Variants in TMEM132C observed in about 807,000 individuals in gnomAD.
TMEM132C encodes protein phosphatase 1, regulatory subunit 152.
Under a neutral mutation model 61.4 loss-of-function variants are expected in TMEM132C, and 29 were observed. The observed-to-expected ratio is 0.47, with a 90% confidence interval of 0.35 to 0.64. The LOEUF (loss-of-function observed/expected upper bound fraction) is 0.64, where lower values mean the gene tolerates loss of function less well. TMEM132C is among the 30% of genes least tolerant of loss of function. The pLI, the probability that TMEM132C is intolerant of heterozygous loss-of-function variation, is 0.00. For synonymous variants in TMEM132C, 656 were observed against 633.1 expected (o/e 1.04, Z -0.54); for missense variants, 1,408 against 1,476.9 (o/e 0.95, Z 0.76).
chr12:128,555,107 T>C (rs1786390546), intron 3 of TMEM132C, among the ~76,000 whole-genome samples: 1 of 152,068 alleles, frequency 6.6e-6, no homozygotes, highest in African/African-American at 2.4e-5. Context: ...GGGAGAAAAG[T>C]AAATCAGGCA....
At chr12:128,556,333 G>A (rs1874329289) in intron 3 of TMEM132C, among the ~76,000 whole-genome samples, 2 of 152,188 alleles carry the variant, frequency 1.3e-5, no homozygotes, top group Admixed American at 1.3e-4. Flanking sequence ...CTATAGAGGA[G>A]GAATAGATGC....
chr12:128,690,868 T>C lies in TMEM132C; in HGVS notation c.1450-2961T>C, dbSNP rs932268020. Among the ~76,000 whole-genome samples the C allele has an allele frequency of 1.2e-4, 18 of 152,268 alleles. No individual in the cohort carries two copies. The East Asian group carries it at 3.3e-3, about 28-fold the overall frequency. ...GGAGCAAATTCTCTCAGCCCAGCCC[T>C]CACCAGCTGCCTCTCCAAACAGAAG... is the stretch of plus-strand genomic sequence containing the variant. On this transcript the variant is annotated intron_variant, in intron 5 of 8. Transcript: ENST00000435159.
chr12:128,482,585 A>C (rs1263436854), intron 2 of TMEM132C, among the ~76,000 whole-genome samples: 1 of 152,070 alleles, frequency 6.6e-6, no homozygotes, highest in African/African-American at 2.4e-5. Context: ...GTAGAATTCG[A>C]CTGTGAATTC....
At chr12:128,532,640 CAAAAAAAAAAAAAAAA>C (rs61283555) in intron 2 of TMEM132C, among the ~76,000 whole-genome samples, 2 of 67,172 alleles carry the variant, frequency 3.0e-5, no homozygotes, top group African/African-American at 1.5e-4. Flanking sequence ...GACTCCATCT[CAAAAAAAAAAAAAAAA>C]AAAAAAAAAA....
intron 3 of TMEM132C, among the ~76,000 whole-genome samples, chr12:128,561,082 C>G (rs1315772530): frequency 6.6e-6 from 1 of 152,218 alleles, no homozygotes; most frequent in African/African-American, 2.4e-5. Context: ...CTTTCCTTCC[C>G]CCAGACCTCC....
At chr12:128,625,889 G>A (rs1954010848) in intron 4 of TMEM132C, among the ~76,000 whole-genome samples, 1 of 152,116 alleles carries the variant, frequency 6.6e-6, no homozygotes, top group African/African-American at 2.4e-5. Flanking sequence ...GAATTTGGGG[G>A]ACACAACCAT....
At position 128,695,944 on chromosome 12, in the gene TMEM132C, C is replaced by G. The variant is rs762382247; in HGVS notation, c.1770C>G (p.Ala590=). ...RVLTQFVSEG[A]GPWGQPNYLL... ...TCACCCAGTTTGTGTCTGAGGGCGC[C>G]GGTCCATGGGGCCAGCCGAACTACC... Residue 590 remains alanine, a synonymous_variant, in exon 7 of 9, where the codon GCC becomes GCG. Coordinates refer to ENST00000435159, the MANE Select transcript of TMEM132C (RefSeq NM_001136103.3). The G allele has an allele frequency of 6.4e-7, 1 of 1,551,656 alleles. No individual in the cohort carries two copies. The highest frequency in any genetic ancestry group is 2.0e-5 in the Admixed American group (1 of 50,994).
intron 4 of TMEM132C, among the ~76,000 whole-genome samples, chr12:128,629,029 T>C (rs1341246413): frequency 6.6e-6 from 1 of 152,124 alleles, no homozygotes; most frequent in Non-Finnish European, 1.5e-5. Context: ...AGAAAATATT[T>C]TGGAGGAAAA....
intron 3 of TMEM132C, among the ~76,000 whole-genome samples, chr12:128,589,338 A>C (rs919261024): frequency 1.3e-5 from 2 of 152,088 alleles, no homozygotes; most frequent in East Asian, 3.9e-4. Flanking sequence ...ACTTTTCTGC[A>C]GCCTGCATCC....
intron 2 of TMEM132C, among the ~76,000 whole-genome samples, chr12:128,451,260 G>A (rs2136057758): frequency 6.6e-6 from 1 of 152,214 alleles, no homozygotes; most frequent in Non-Finnish European, 1.5e-5. Context: ...ACCAGAGGAA[G>A]ACAAGATAAA....
At chr12:128,417,779 A>G (rs1392921428) in intron 2 of TMEM132C, among the ~76,000 whole-genome samples, 1 of 152,220 alleles carries the variant, frequency 6.6e-6, no homozygotes, top group Non-Finnish European at 1.5e-5. Context: ...AACCTTCAAT[A>G]AGCATTGAAT....
intron 2 of TMEM132C, among the ~76,000 whole-genome samples, chr12:128,462,597 A>C (rs145749777): frequency 9.2e-4 from 140 of 152,260 alleles, no homozygotes; most frequent in African/African-American, 3.2e-3. Context: ...CATTCTTCGG[A>C]GCTCTTCCTC....
chr12:128,576,263 G>A (rs974207081), intron 3 of TMEM132C, among the ~76,000 whole-genome samples: 57 of 151,430 alleles, frequency 3.8e-4, no homozygotes, highest in Non-Finnish European at 7.2e-4. Flanking sequence ...AGATTAGAAG[G>A]GGAGGGGAGG....
intron 2 of TMEM132C, among the ~76,000 whole-genome samples, chr12:128,521,317 ATATG>A (rs35709475): frequency 0.65 from 95,336 of 145,796 alleles, 31,508 homozygotes; most frequent in East Asian, 0.83. Context: ...GTATATATAT[ATATG>A]TGTGTGTGTG....
intron 2 of TMEM132C, among the ~76,000 whole-genome samples, chr12:128,490,481 G>A (rs1235530337): frequency 2.0e-5 from 3 of 152,246 alleles, no homozygotes; most frequent in South Asian, 4.1e-4. Flanking sequence ...GTGGGGCCTG[G>A]CACCTCACTG....
At chr12:128,446,106 T>C (rs1466168308) in intron 2 of TMEM132C, among the ~76,000 whole-genome samples, 2 of 152,216 alleles carry the variant, frequency 1.3e-5, no homozygotes, top group Non-Finnish European at 2.9e-5. Flanking sequence ...CCGAAATTAT[T>C]TGCCTTCTCA....
chr12:128,517,025 C>G (rs1419164223), intron 2 of TMEM132C, among the ~76,000 whole-genome samples: 1 of 149,838 alleles, frequency 6.7e-6, no homozygotes, highest in African/African-American at 2.5e-5. Context: ...AATTTGAAAC[C>G]AGCCTGGCCA....
At chr12:128,545,385 T>A (rs1029099003) in intron 3 of TMEM132C, among the ~76,000 whole-genome samples, 3 of 152,236 alleles carry the variant, frequency 2.0e-5, no homozygotes, top group Admixed American at 6.5e-5. Flanking sequence ...ATGTGTTGAT[T>A]CTGTGTCTTT....
Position 128,428,803 on chromosome 12 carries a change from C to T in TMEM132C, c.974+13183C>T, listed in dbSNP as rs77445902. 9.2e-3 allele frequency among the ~76,000 whole-genome samples: 1,406 copies of T among 152,282 alleles called. 25 individuals carry two copies. The highest frequency in any genetic ancestry group is 0.032 in the African/African-American group (1,332 of 41,578). On this transcript the variant is annotated intron_variant, in intron 2 of 8. Transcript: ENST00000435159. ...CTAGCTGTGCCACCAGGACGGGTTCCCCAGCCTTTCTGTGCTTCAGTTTCT... is the reference window on the plus strand; with the variant it reads ...CTAGCTGTGCCACCAGGACGGGTTCTCCAGCCTTTCTGTGCTTCAGTTTCT...
Sources: gnomAD v4.1 joint callset for allele counts (sites outside exome capture counted in the v4.1 genomes callset) on GRCh38, gnomAD v4.1.1 for gene constraint, MANE v1.5 for transcripts, NCBI Gene and HGNC (gene_info 2026-07-23, HGNC 2026-07-21) for gene names.